The following SDK1 variants were observed in gnomAD, a reference collection of about 807,000 sequenced individuals.
The protein encoded by SDK1 is sidekick cell adhesion molecule 1.
SDK1 carries 157 observed loss-of-function variants against 245.5 expected under a neutral mutation model. The ratio of observed to expected loss-of-function variants is 0.64; its 90% confidence interval spans 0.56 to 0.73. The LOEUF (loss-of-function observed/expected upper bound fraction) is 0.73, where lower values mean the gene tolerates loss of function less well. Among genes scored for constraint, SDK1 ranks in the 30% least tolerant of loss-of-function variants. The pLI is 0.00. For synonymous variants in SDK1, 1,647 were observed against 1,278.5 expected, an observed-to-expected ratio of 1.29 and a Z score of -6.15; for missense variants, 3,583 against 3,002.3, an observed-to-expected ratio of 1.19 and a Z score of -4.52.
intron 1 of SDK1, among the ~76,000 whole-genome samples, chr7:3,588,941 A>G (rs1282202446): frequency 6.6e-6 from 1 of 152,204 alleles, no homozygotes; most frequent in Non-Finnish European, 1.5e-5. Flanking sequence ...TATATACTAC[A>G]AAAGAAGCTG....
intron 1 of SDK1, among the ~76,000 whole-genome samples, chr7:3,461,845 C>A (rs1455033111): frequency 6.6e-6 from 1 of 152,126 alleles, no homozygotes; most frequent in East Asian, 1.9e-4. Context: ...GTTTTGAGTT[C>A]CATCTTTTTC....
At chr7:3,521,118 A>G (rs950928305) in intron 1 of SDK1, among the ~76,000 whole-genome samples, 6 of 152,178 alleles carry the variant, frequency 3.9e-5, no homozygotes, top group Non-Finnish European at 1.5e-5. Flanking sequence ...ATCTTCTGCC[A>G]GCTCTTGGCC....
At chr7:3,779,912 C>T (rs1306144486) in intron 4 of SDK1, among the ~76,000 whole-genome samples, 2 of 142,176 alleles carry the variant, frequency 1.4e-5, no homozygotes, top group East Asian at 4.1e-4. Flanking sequence ...GCAGTCCGGC[C>T]TGGGCGACAG....
intron 4 of SDK1, among the ~76,000 whole-genome samples, chr7:3,777,742 A>T (rs73306132): frequency 0.01 from 1,550 of 152,308 alleles, 27 homozygotes; most frequent in African/African-American, 0.035. Context: ...TGCAATCATT[A>T]TCATAAGCTT....
rs892685691 is a variant in SDK1, at chr7:3,951,918, T to C, written c.1148T>C (p.Ile383Thr). The change falls in exon 7 of 45, where the codon ATA (isoleucine) becomes ACA (threonine). Residue 383 changes from isoleucine to threonine, a missense_variant and splice_region_variant. Physicochemically the swap from Ile to Thr is moderately conservative, Grantham distance 89. Coordinates refer to ENST00000404826, the MANE Select transcript of SDK1 (RefSeq NM_152744.4). ...PARATAFLFI[I>T]EPPYFTAEPE... is the part of the protein sequence containing the mutation. ...AGGGCGACGGCCTTTCTTTTCATCA[T>C]AGGTAATGCGGGAGCCTCTAAGTGG... is the stretch of plus-strand genomic sequence containing the variant. 6.2e-7 allele frequency: 1 copy of C among 1,611,898 alleles called. No homozygotes were observed. Among genetic ancestry groups the C allele is most frequent in the Non-Finnish European group, 8.5e-7 (1 of 1,179,734 alleles).
intron 1 of SDK1, among the ~76,000 whole-genome samples, chr7:3,549,948 C>A (rs1051648961): frequency 6.6e-6 from 1 of 151,962 alleles, no homozygotes; most frequent in Non-Finnish European, 1.5e-5. Context: ...AACAATGCAG[C>A]TTTATTTAGG....
intron 5 of SDK1, among the ~76,000 whole-genome samples, chr7:3,830,984 CTCT>C (rs1779899555): frequency 6.6e-6 from 1 of 152,122 alleles, no homozygotes; most frequent in South Asian, 2.1e-4. Flanking sequence ...TTCTTTCTAG[CTCT>C]TATCACTCTA....
chr7:4,211,195 TC>T (rs1784494238), intron 38 of SDK1, among the ~76,000 whole-genome samples: 1 of 152,144 alleles, frequency 6.6e-6, no homozygotes, highest in Admixed American at 6.5e-5. Flanking sequence ...TCTCCACACT[TC>T]CTAGATCAAC....
intron 1 of SDK1, among the ~76,000 whole-genome samples, chr7:3,312,050 A>G (rs998676120): frequency 6.6e-6 from 1 of 152,178 alleles, no homozygotes; most frequent in African/African-American, 2.4e-5. Context: ...AACTTTGCCT[A>G]CTGGTTTGGG....
At chr7:4,150,507 G>T (rs914846499) in intron 30 of SDK1, among the ~76,000 whole-genome samples, 1 of 152,354 alleles carries the variant, frequency 6.6e-6, no homozygotes, top group South Asian at 2.1e-4. Context: ...GGGAGACCAT[G>T]ATCCCACTCT....
intron 12 of SDK1, among the ~76,000 whole-genome samples, chr7:3,974,159 G>C (rs1166980270): frequency 6.8e-6 from 1 of 147,108 alleles, no homozygotes; most frequent in Non-Finnish European, 1.5e-5. Flanking sequence ...ACTCCAGCCT[G>C]GGCCACACAG....
chr7:4,134,809 C>T (rs956485657), intron 28 of SDK1: 2 of 152,424 alleles, frequency 1.3e-5, no homozygotes, highest in African/African-American at 2.4e-5. Flanking sequence ...AGGAGCAAAG[C>T]ATGTGCTTCA....
chr7:4,235,941 G>A (rs1786137366), intron 41 of SDK1, among the ~76,000 whole-genome samples: 1 of 152,256 alleles, frequency 6.6e-6, no homozygotes. Context: ...CCCACTCCGG[G>A]CCAGTTGCCC....
At chr7:3,642,706 C>G (rs752866179) in intron 4 of SDK1, 8 of 152,200 alleles carry the variant, frequency 5.3e-5, no homozygotes, top group African/African-American at 1.4e-4. Flanking sequence ...AGATATTTAT[C>G]TAATGCCCGA....
rs758172405 is a variant in SDK1, at chr7:4,178,567, G to C, written c.5079G>C (p.Glu1693Asp). 1 of 1,612,008 alleles carries C rather than the reference G, an allele frequency of 6.2e-7. No individual in the cohort carries two copies. The highest frequency in any genetic ancestry group is 8.5e-7 in the Non-Finnish European group (1 of 1,179,798). ...AGAGCCCAGCCAGCGCGCCCGTGGA[G>C]GTCTTTGTCGGCGAGGCTGGTAAGC... is the stretch of plus-strand genomic sequence containing the variant. ...IGESPASAPV[E>D]VFVGEAAPAM... Residue 1693 changes from glutamate to aspartate, a missense_variant, in exon 35 of 45, where the codon GAG becomes GAC. Coordinates refer to ENST00000404826, the MANE Select transcript of SDK1 (RefSeq NM_152744.4).
At position 3,970,538 on chromosome 7, in the gene SDK1, C is replaced by G. The variant is rs1782413270; in HGVS notation, c.1715-928C>G. 2.0e-5 allele frequency among the ~76,000 whole-genome samples: 3 copies of G among 152,194 alleles called. No homozygotes were observed. In the South Asian group the frequency reaches 6.2e-4, roughly 31 times the overall value. On this transcript the variant is annotated intron_variant, in intron 11 of 44. Transcript: ENST00000404826. ...GTTTTTTGAACTTTTGTAATCAGAA[C>G]TTGGCGATGACCTTGAGCAGTAGGA...
At chr7:3,728,665 G>A (rs1183385132) in intron 4 of SDK1, among the ~76,000 whole-genome samples, 2 of 152,174 alleles carry the variant, frequency 1.3e-5, no homozygotes. Flanking sequence ...GATTACAGTG[G>A]CACGATCTCA....
At chr7:4,039,141 G>A (rs1353684942) in intron 17 of SDK1, among the ~76,000 whole-genome samples, 5 of 147,946 alleles carry the variant, frequency 3.4e-5, no homozygotes, top group Non-Finnish European at 5.9e-5. Flanking sequence ...ATCACACACC[G>A]GGGCCTGTTG....
chr7:3,552,956 TTC>T (rs1437673976), intron 1 of SDK1, among the ~76,000 whole-genome samples: 9 of 152,344 alleles, frequency 5.9e-5, no homozygotes, highest in East Asian at 1.9e-4. Flanking sequence ...AGTTGTATAT[TTC>T]TGTTTTTCTT....
Sources: gnomAD v4.1 joint callset for allele counts (sites outside exome capture counted in the v4.1 genomes callset) on GRCh38, gnomAD v4.1.1 for gene constraint, MANE v1.5 for transcripts, NCBI Gene and HGNC (gene_info 2026-07-23, HGNC 2026-07-21) for gene names.